Variants in VPS35L observed in about 807,000 individuals in gnomAD.
The protein encoded by VPS35L is VPS35 endosomal protein sorting factor like, also known as VPS35 endosomal protein-sorting factor-like.
VPS35L carries 83 observed loss-of-function variants against 133.0 expected under a neutral mutation model. The observed-to-expected ratio is 0.62, with a 90% confidence interval of 0.52 to 0.75. The LOEUF is 0.75. Among genes scored for constraint, VPS35L ranks in the 30% least tolerant of loss-of-function variants. The pLI, the probability that VPS35L is intolerant of heterozygous loss-of-function variation, is 0.00. For missense variants in VPS35L, 1,083 were observed against 1,206.8 expected (o/e 0.90, Z 1.52); for synonymous variants, 423 against 449.9 (o/e 0.94, Z 0.76).
In VPS35L at chr16:19,647,879, T is replaced by G; in HGVS notation, c.2025T>G (p.Ile675Met). 6.2e-7 allele frequency: 1 copy of G among 1,608,552 alleles called. No homozygotes were observed. Among genetic ancestry groups the G allele is most frequent in the Non-Finnish European group, 8.5e-7 (1 of 1,174,982 alleles). ...CNLEPVLVQL[I>M]HSVNRLAMET... ...TGGAGCCTGTTCTTGTGCAGTTGAT[T>G]CATGTAAGTATTTTCATTCATTAGT... is the stretch of plus-strand genomic sequence containing the variant. The change falls in exon 24 of 31, where the codon ATT (isoleucine) becomes ATG (methionine). Residue 675 changes from isoleucine (I) to methionine (M), a missense_variant. Transcript: ENST00000417362.
chr16:19,572,183 G>T (rs1360955866), intron 3 of VPS35L, among the ~76,000 whole-genome samples: 1 of 152,158 alleles, frequency 6.6e-6, no homozygotes, highest in Non-Finnish European at 1.5e-5. Context: ...ACTTTGGAAG[G>T]CTGAGGCGGG....
chr16:19,607,381 C>T (rs1045753713), intron 9 of VPS35L, among the ~76,000 whole-genome samples: 2 of 152,130 alleles, frequency 1.3e-5, no homozygotes, highest in Admixed American at 6.6e-5. Flanking sequence ...GAAGGCAAGC[C>T]CCTTTCCTTA....
At chr16:19,637,976 C>G (rs1973672919) in intron 20 of VPS35L, among the ~76,000 whole-genome samples, 1 of 152,246 alleles carries the variant, frequency 6.6e-6, no homozygotes, top group Non-Finnish European at 1.5e-5. Flanking sequence ...TGCTCTTCCA[C>G]AGTGATTTTC....
chr16:19,558,977 T>A (rs548280332), intron 1 of VPS35L, among the ~76,000 whole-genome samples: 1 of 93,346 alleles, frequency 1.1e-5, no homozygotes, highest in East Asian at 2.8e-4. Context: ...ATTTTAAGAG[T>A]TTTTTTTATG....
chr16:19,621,550 G>A (rs565649387), intron 14 of VPS35L, among the ~76,000 whole-genome samples: 1 of 152,360 alleles, frequency 6.6e-6, no homozygotes, highest in Admixed American at 6.5e-5. Context: ...TGCTGTGTGT[G>A]AAAATGAAAG....
At chr16:19,591,942 A>G (rs1333522086) in intron 8 of VPS35L, 68 bp downstream of exon 8, 2 of 1,247,604 alleles carry the variant, frequency 1.6e-6, no homozygotes, top group Non-Finnish European at 2.4e-6. Context: ...TGGGTGGTAG[A>G]GTTACTGTAA....
chr16:19,699,670 G>A lies in VPS35L; in HGVS notation c.2793+22G>A, dbSNP rs760962717. On this transcript the variant is annotated intron_variant, in intron 30 of 30. Coordinates refer to ENST00000417362, the MANE Select transcript of VPS35L (RefSeq NM_020314.7). This position sits in a 1 kb window ranked among gnomAD's most constrained non-coding sequence, Gnocchi z 4.2. ...CATGGTGAGGCGCTCGGAGGGCCCCGTGGTATAAGCCCACTGGCCAGTGCA... is the reference window on the plus strand; with the variant it reads ...CATGGTGAGGCGCTCGGAGGGCCCCATGGTATAAGCCCACTGGCCAGTGCA... The A allele has an allele frequency of 1.7e-5, 27 of 1,610,832 alleles. No homozygotes were observed. The East Asian group carries it at 2.2e-4, about 13-fold the overall frequency.
chr16:19,598,126 T>G (rs1356846688), intron 8 of VPS35L, among the ~76,000 whole-genome samples: 1 of 152,206 alleles, frequency 6.6e-6, no homozygotes, highest in Non-Finnish European at 1.5e-5. Flanking sequence ...TGTGTGAACT[T>G]GAGCCTCAGT....
At chr16:19,627,920 G>C (rs1973320846) in intron 16 of VPS35L, 115 bp downstream of exon 16, 1 of 811,048 alleles carries the variant, frequency 1.2e-6, no homozygotes, top group South Asian at 1.5e-5. Context: ...ACAGGCGAAG[G>C]CTCTGTTTCT....
At chr16:19,618,534 A>C (rs1427074415) in intron 14 of VPS35L, among the ~76,000 whole-genome samples, 1 of 152,172 alleles carries the variant, frequency 6.6e-6, no homozygotes, top group East Asian at 1.9e-4. Context: ...GCAAAAAGAA[A>C]GTTACACACA....
In VPS35L at chr16:19,700,462, C is replaced by A. The variant is rs369761590; in HGVS notation, c.2878C>A (p.Gln960Lys). The A allele has an allele frequency of 8.1e-6, 13 of 1,613,984 alleles. No homozygotes were observed. The African/African-American group carries it at 1.6e-4, about 20-fold the overall frequency. The change falls in exon 31 of 31, where the codon CAA becomes AAA. Residue 960 changes from glutamine (Q) to lysine (K), a missense_variant. Physicochemically the swap from Gln to Lys is moderately conservative, Grantham distance 53. Coordinates refer to ENST00000417362, the MANE Select transcript of VPS35L (RefSeq NM_020314.7). The part of the protein sequence containing the change: ...LTELALRLPL[Q>K]TRT ...GGAGCTGGCCCTCAGACTCCCTCTG[C>A]AAACAAGGACCTGACCCCCGGGCCC...
chr16:19,657,738 T>C (rs1381572966), intron 26 of VPS35L, among the ~76,000 whole-genome samples: 1 of 152,164 alleles, frequency 6.6e-6, no homozygotes, highest in East Asian at 1.9e-4. Flanking sequence ...AGAGAAAAAT[T>C]ATTTTGCATT....
Position 19,649,852 on chromosome 16 carries a change from T to C in VPS35L, c.2029-530T>C, listed in dbSNP as rs961700584. ...ACTATCTGGAAATCAGGGGAGGTAA[T>C]AGTATCCACCCTGGGATTATGAAGC... is the stretch of plus-strand genomic sequence containing the variant. On this transcript the variant is annotated intron_variant, in intron 24 of 30. Transcript: ENST00000417362. 2.6e-5 allele frequency among the ~76,000 whole-genome samples: 4 copies of C among 152,216 alleles called. No homozygotes were observed. In the East Asian group the frequency reaches 5.8e-4, roughly 22 times the overall value.
In VPS35L at chr16:19,699,378, AC is replaced by A. The variant is rs1976027089; in HGVS notation, c.2647-123del. On this transcript the variant is annotated intron_variant, in intron 29 of 30. Coordinates refer to ENST00000417362, the MANE Select transcript of VPS35L (RefSeq NM_020314.7). The surrounding 1 kb of genome is among the most constrained non-coding windows in gnomAD (Gnocchi z 4.2). ...TTCAGCAGCTTGCCCTACAGCAAATACATGGCAGAGCTGGCACTGGAACTCA... is the reference window on the plus strand; with the variant it reads ...TTCAGCAGCTTGCCCTACAGCAAATAATGGCAGAGCTGGCACTGGAACTCA... 26 of 1,238,134 alleles carry A rather than the reference AC, an allele frequency of 2.1e-5. No homozygotes were observed. The highest frequency in any genetic ancestry group is 2.9e-5 in the Non-Finnish European group (26 of 893,362). The allele number at this position is 1,238,134 out of a possible 1,614,324, so 76.7% of individuals were successfully genotyped here.
chr16:19,610,367 G>C lies in VPS35L; in HGVS notation c.975G>C (p.Gly325=). 6.2e-7 allele frequency: 1 copy of C among 1,614,164 alleles called. No homozygotes were observed. Among genetic ancestry groups the C allele is most frequent in the Non-Finnish European group, 8.5e-7 (1 of 1,180,028 alleles). The stretch of plus-strand genomic sequence containing the variant: ...CCCGGTTGACATGCATGATCAGAGG[G>C]ATCGGAGACCCACTAGTGTCGGTGT... ...CLPRLTCMIR[G]IGDPLVSVYA... is the part of the protein sequence containing the mutation. Residue 325 remains glycine, a synonymous_variant, in exon 12 of 31, where the codon GGG becomes GGC. Transcript: ENST00000417362.
chr16:19,649,788 G>A (rs1974069206), intron 24 of VPS35L, among the ~76,000 whole-genome samples: 1 of 152,178 alleles, frequency 6.6e-6, no homozygotes, highest in South Asian at 2.1e-4. Flanking sequence ...TGGTTAGCAA[G>A]TTATTTAGCA....
chr16:19,699,747 T>A lies in VPS35L; in HGVS notation c.2793+99T>A. 4 of 1,472,040 alleles carry A rather than the reference T, an allele frequency of 2.7e-6. No individual in the cohort carries two copies. Among genetic ancestry groups the A allele is most frequent in the Non-Finnish European group, 3.7e-6 (4 of 1,077,298 alleles). The allele number at this position is 1,472,040 out of a possible 1,614,324, so 91.2% of individuals were successfully genotyped here. On this transcript the variant is annotated intron_variant, in intron 30 of 30. Coordinates refer to ENST00000417362, the MANE Select transcript of VPS35L (RefSeq NM_020314.7). The surrounding 1 kb of genome is among the most constrained non-coding windows in gnomAD (Gnocchi z 4.2). ...CCTGGACATCAGACAGACAACCCCA[T>A]ACTCCCCTTTTAGAAAAGCACTTGG...
chr16:19,583,426 G>A (rs954855707), intron 7 of VPS35L, among the ~76,000 whole-genome samples: 1 of 152,068 alleles, frequency 6.6e-6, no homozygotes, highest in African/African-American at 2.4e-5. Context: ...ACATATTTAT[G>A]GGGTACAGAG....
At chr16:19,582,360 G>A (rs1275557228) in intron 7 of VPS35L, among the ~76,000 whole-genome samples, 2 of 152,164 alleles carry the variant, frequency 1.3e-5, no homozygotes, top group African/African-American at 4.8e-5. Flanking sequence ...TAGTTCAAAA[G>A]GACAGATCCC....
Sources: gnomAD v4.1 joint callset for allele counts (sites outside exome capture counted in the v4.1 genomes callset) on GRCh38, gnomAD v4.1.1 for gene constraint, Gnocchi (gnomAD v3.1) non-coding constraint, MANE v1.5 for transcripts, NCBI Gene and HGNC (gene_info 2026-07-23, HGNC 2026-07-21) for gene names.